Variants in INPP4B observed in about 807,000 individuals in gnomAD.
INPP4B encodes inositol polyphosphate-4-phosphatase type II B.
A neutral mutation model predicts 122.5 loss-of-function variants in INPP4B; 55 were observed. The ratio of observed to expected loss-of-function variants is 0.45; its 90% CI spans 0.36 to 0.56. The LOEUF (loss-of-function observed/expected upper bound fraction) is 0.56, where lower values mean the gene tolerates loss of function less well. INPP4B is among the 20% of genes least tolerant of loss of function. The pLI, the probability that INPP4B is intolerant of heterozygous loss-of-function variation, is 0.00. For missense variants in INPP4B, 1,000 were observed against 1,097.7 expected, an observed-to-expected ratio of 0.91 and a Z score of 1.26; for synonymous variants, 403 against 388.7, an observed-to-expected ratio of 1.04 and a Z score of -0.43.
chr4:142,233,764 A>G (rs1855489126), intron 12 of INPP4B, among the ~76,000 whole-genome samples: 1 of 152,096 alleles, frequency 6.6e-6, no homozygotes, highest in South Asian at 2.1e-4. Context: ...TAACATGCCT[A>G]ATTTAATTCT....
intron 1 of INPP4B, among the ~76,000 whole-genome samples, chr4:142,783,711 T>C (rs1356129827): frequency 6.6e-6 from 1 of 152,128 alleles, no homozygotes; most frequent in Non-Finnish European, 1.5e-5. Flanking sequence ...GAAATATGCA[T>C]TAAAAAGAAT....
intron 2 of INPP4B, among the ~76,000 whole-genome samples, chr4:142,691,533 C>A (rs1258687608): frequency 6.6e-6 from 1 of 152,014 alleles, no homozygotes; most frequent in African/African-American, 2.4e-5. Context: ...CTGTGTCTTG[C>A]AAGTATTAAT....
chr4:142,708,449 G>T (rs1421502943), intron 2 of INPP4B, among the ~76,000 whole-genome samples: 1 of 152,162 alleles, frequency 6.6e-6, no homozygotes, highest in Non-Finnish European at 1.5e-5. Context: ...CCATAGGGAG[G>T]AATGGTTCTG....
intron 2 of INPP4B, among the ~76,000 whole-genome samples, chr4:142,685,746 T>A (rs143041101): frequency 1.3e-5 from 2 of 152,204 alleles, no homozygotes; most frequent in African/African-American, 2.4e-5. Context: ...GGAGACAGAG[T>A]TAGACCCTAT....
rs1250662074 is a variant in INPP4B at position 142,113,875 on chromosome 4, T to C, written c.2136-1193A>G. ...ATAATTCATAATTTCAACAAATTTA[T>C]AGAATTATACAATCATGACAATAAT... is the stretch of plus-strand genomic sequence containing the variant. On this transcript the variant is annotated intron_variant, in intron 21 of 25. Transcript: ENST00000262992. Among the ~76,000 whole-genome samples the C allele has an allele frequency of 2.6e-5, 4 of 152,046 alleles. No homozygotes were observed. The East Asian group carries it at 7.7e-4, about 29-fold the overall frequency.
chr4:142,027,193 T>G lies in INPP4B; in HGVS notation c.*1589A>C, dbSNP rs1400003399. 1 of 152,170 alleles carries G rather than the reference T, an allele frequency of 6.6e-6. No homozygotes were observed. Among genetic ancestry groups the G allele is most frequent in the Non-Finnish European group, 1.5e-5 (1 of 68,026 alleles). 9.4% of individuals were successfully genotyped at this position (152,170 alleles called of 1,614,324 possible). On this transcript the variant is annotated 3_prime_UTR_variant, in exon 26 of 26. Transcript: ENST00000262992. ...CTCAAGTATAATGCCCACAGGTAAT[T>G]AGCTAAAATAAAAAATTGATAATTC...
intron 2 of INPP4B, among the ~76,000 whole-genome samples, chr4:142,495,464 A>G (rs1427667607): frequency 6.6e-6 from 1 of 152,120 alleles, no homozygotes; most frequent in African/African-American, 2.4e-5. Context: ...AAACATTATG[A>G]CAATGTGTTA....
chr4:142,457,291 T>C (rs1413705288), intron 3 of INPP4B, among the ~76,000 whole-genome samples: 1 of 152,136 alleles, frequency 6.6e-6, no homozygotes, highest in African/African-American at 2.4e-5. Context: ...ATTGACTTTA[T>C]TGAAGTTGAA....
intron 2 of INPP4B, among the ~76,000 whole-genome samples, chr4:142,711,235 G>GAGGCCTCCC (rs1486693776): frequency 5.3e-5 from 8 of 152,118 alleles, no homozygotes; most frequent in Admixed American, 5.2e-4. Context: ...TCTTCTCAGA[G>GAGGCCTCCC]AGGCCTCCCA....
chr4:142,595,962 C>G (rs1467866559), intron 2 of INPP4B, among the ~76,000 whole-genome samples: 1 of 152,092 alleles, frequency 6.6e-6, no homozygotes, highest in East Asian at 1.9e-4. Context: ...CATCCTCCCA[C>G]CTCAGCCTCC....
intron 1 of INPP4B, among the ~76,000 whole-genome samples, chr4:142,831,291 T>C (rs1342706309): frequency 2.0e-5 from 3 of 152,156 alleles, no homozygotes; most frequent in Non-Finnish European, 2.9e-5. Context: ...GCCTGACAGT[T>C]CTATATAGCA....
chr4:142,661,434 T>C (rs1008430716), intron 2 of INPP4B, among the ~76,000 whole-genome samples: 2 of 152,334 alleles, frequency 1.3e-5, no homozygotes, highest in East Asian at 3.9e-4. Flanking sequence ...TTTAGTCATA[T>C]ATTAAATAGG....
chr4:142,782,229 G>A (rs1407860989), intron 1 of INPP4B, among the ~76,000 whole-genome samples: 15 of 151,646 alleles, frequency 9.9e-5, no homozygotes, highest in South Asian at 4.2e-4. Context: ...GAGAACATGC[G>A]GTGTTTGGTT....
At chr4:142,218,226 C>T (rs926288265) in intron 12 of INPP4B, among the ~76,000 whole-genome samples, 11 of 152,112 alleles carry the variant, frequency 7.2e-5, no homozygotes, top group Non-Finnish European at 1.5e-4. Flanking sequence ...TTAGGCTCTT[C>T]CATGGGCTTT....
At position 142,471,572 on chromosome 4, in the gene INPP4B, A is replaced by G. The variant is rs965957547; in HGVS notation, c.-190-8846T>C. On this transcript the variant is annotated intron_variant, in intron 2 of 25. Coordinates refer to ENST00000262992, the MANE Select transcript of INPP4B (RefSeq NM_001101669.3). ...TTGTTCAAGACTTCAGCTCAGAAAA[A>G]GAATCCATCTGGCAACCCATTCTGA... Among the ~76,000 whole-genome samples, 3 of 152,210 alleles carry G rather than the reference A, an allele frequency of 2.0e-5. No homozygotes were observed. The East Asian group carries it at 5.8e-4, about 29-fold the overall frequency.
intron 2 of INPP4B, among the ~76,000 whole-genome samples, chr4:142,625,978 T>C (rs111959790): frequency 0.022 from 3,336 of 152,172 alleles, 52 homozygotes; most frequent in Middle Eastern, 0.088. Flanking sequence ...ATACAAAAAT[T>C]AATTCAGGAT....
intron 1 of INPP4B, among the ~76,000 whole-genome samples, chr4:142,796,637 C>CA (rs113081682): frequency 0.012 from 1,767 of 151,536 alleles, 37 homozygotes; most frequent in African/African-American, 0.04. Flanking sequence ...TATTCTGGCA[C>CA]AAAAAAAAGT....
At chr4:142,403,155 G>C in intron 6 of INPP4B, 101 bp from the exon 7 acceptor site, 1 of 721,892 alleles carries the variant, frequency 1.4e-6, no homozygotes, top group East Asian at 2.5e-5. Context: ...GCCTGAGTCT[G>C]TTTTTCAAGG....
At chr4:142,391,120 A>T (rs1797521060) in intron 7 of INPP4B, among the ~76,000 whole-genome samples, 2 of 152,366 alleles carry the variant, frequency 1.3e-5, no homozygotes, top group South Asian at 4.1e-4. Context: ...ATACTTAATC[A>T]GCCAATACTA....
Sources: gnomAD v4.1 joint callset for allele counts (sites outside exome capture counted in the v4.1 genomes callset) on GRCh38, gnomAD v4.1.1 for gene constraint, MANE v1.5 for transcripts, NCBI Gene and HGNC (gene_info 2026-07-23, HGNC 2026-07-21) for gene names.